Variants in SDK1 observed in about 807,000 individuals in gnomAD.
SDK1 encodes the protein sidekick cell adhesion molecule 1.
A neutral mutation model predicts 245.5 loss-of-function variants in SDK1; 157 were observed. The observed-to-expected ratio is 0.64, with a 90% CI of 0.56 to 0.73. The LOEUF is 0.73. Among genes scored for constraint, SDK1 ranks in the 30% least tolerant of loss-of-function variants. The probability of loss-of-function intolerance (pLI) is 0.00; values close to 1 mark genes in which losing one functional copy is unlikely to be tolerated. For missense variants in SDK1, 3,583 were observed against 3,002.3 expected, an observed-to-expected ratio of 1.19 and a Z score of -4.52; for synonymous variants, 1,647 against 1,278.5, an observed-to-expected ratio of 1.29 and a Z score of -6.15.
chr7:4,060,163 G>C lies in SDK1; in HGVS notation c.2912-7675G>C, dbSNP rs185653458. On this transcript the variant is annotated intron_variant, in intron 19 of 44. Transcript: ENST00000404826. Reference sequence around the variant, plus strand: ...TCCAAAGTGCTGGGATTACAGGCGTGAGCCACCACGCCCGGCCAGAAATTT... The same window carrying C: ...TCCAAAGTGCTGGGATTACAGGCGTCAGCCACCACGCCCGGCCAGAAATTT... Among the ~76,000 whole-genome samples the C allele has an allele frequency of 3.6e-3, 552 of 152,256 alleles. 6 individuals are homozygous for C. The South Asian group carries it at 0.039, about 11-fold the overall frequency.
chr7:3,637,961 C>G (rs1412882331), intron 2 of SDK1, among the ~76,000 whole-genome samples: 1 of 152,230 alleles, frequency 6.6e-6, no homozygotes. Context: ...TGACACAAGA[C>G]ATCGTGTTAA....
intron 22 of SDK1, among the ~76,000 whole-genome samples, chr7:4,090,653 C>G (rs1447582685): frequency 6.6e-6 from 1 of 152,176 alleles, no homozygotes; most frequent in Non-Finnish European, 1.5e-5. Context: ...CTTGTTCTTT[C>G]TCTCTTCTTT....
chr7:3,913,636 G>A (rs1018747960), intron 5 of SDK1, among the ~76,000 whole-genome samples: 1 of 151,848 alleles, frequency 6.6e-6, no homozygotes, highest in African/African-American at 2.4e-5. Flanking sequence ...CTTTTCTCTG[G>A]ACTATGTTAG....
At chr7:3,821,368 T>C in intron 4 of SDK1, 82 bp from the exon 5 acceptor site, 1 of 1,467,018 alleles carries the variant, frequency 6.8e-7, no homozygotes, top group Non-Finnish European at 9.3e-7. Flanking sequence ...CATTCCTTTA[T>C]AGTTGGCCTA....
chr7:3,848,859 A>G (rs553163493), intron 5 of SDK1, among the ~76,000 whole-genome samples: 1 of 152,024 alleles, frequency 6.6e-6, no homozygotes, highest in Admixed American at 6.5e-5. Flanking sequence ...TTTAGTAGAG[A>G]CAGGGTTTCG....
At chr7:3,723,132 G>A (rs941656879) in intron 4 of SDK1, among the ~76,000 whole-genome samples, 3 of 152,184 alleles carry the variant, frequency 2.0e-5, no homozygotes, top group African/African-American at 4.8e-5. Context: ...GTCCTCAGAC[G>A]TTTCTCAAGT....
At chr7:3,789,514 A>T (rs1176706077) in intron 4 of SDK1, among the ~76,000 whole-genome samples, 1 of 152,182 alleles carries the variant, frequency 6.6e-6, no homozygotes, top group African/African-American at 2.4e-5. Flanking sequence ...AAAATTAGTT[A>T]TTTTAATGGG....
chr7:3,467,216 T>G (rs1781035062), intron 1 of SDK1, among the ~76,000 whole-genome samples: 1 of 152,130 alleles, frequency 6.6e-6, no homozygotes, highest in Non-Finnish European at 1.5e-5. Context: ...TTTACAATAT[T>G]AAAGCACTTT....
intron 13 of SDK1, among the ~76,000 whole-genome samples, chr7:3,983,006 G>A (rs1202592944): frequency 6.6e-6 from 1 of 152,154 alleles, no homozygotes; most frequent in Non-Finnish European, 1.5e-5. Flanking sequence ...AAGAGAACTA[G>A]AATTAGAGGT....
intron 38 of SDK1, among the ~76,000 whole-genome samples, chr7:4,216,687 G>A (rs1219607023): frequency 2.0e-5 from 3 of 152,146 alleles, no homozygotes; most frequent in Non-Finnish European, 4.4e-5. Context: ...CACCTGGTAG[G>A]GGATCTGTGG....
At chr7:3,467,064 G>A (rs1406450406) in intron 1 of SDK1, among the ~76,000 whole-genome samples, 3 of 137,538 alleles carry the variant, frequency 2.2e-5, no homozygotes, top group African/African-American at 8.2e-5. Flanking sequence ...AAGACTTTAA[G>A]GAAAGACATC....
rs139254667 is a variant in SDK1 at position 4,039,511 on chromosome 7, C to G, written c.2603-9837C>G. Among the ~76,000 whole-genome samples the G allele has an allele frequency of 1.1e-4, 17 of 152,168 alleles. No homozygotes were observed. The East Asian group carries it at 3.3e-3, about 29-fold the overall frequency. ...TCCTCAAGAATGTTTCAAAATAAAT[C>G]AAGTTGAAAAATTCAAAAAGCAAAG... On this transcript the variant is annotated intron_variant, in intron 17 of 44. Transcript: ENST00000404826.
chr7:4,088,422 C>G (rs912556706), intron 22 of SDK1, among the ~76,000 whole-genome samples: 2 of 152,148 alleles, frequency 1.3e-5, no homozygotes, highest in Admixed American at 1.3e-4. Flanking sequence ...TGTTTTGTCA[C>G]TCTAAAGAAA....
chr7:4,219,861 G>A (rs1345889227), intron 38 of SDK1, among the ~76,000 whole-genome samples: 1 of 143,874 alleles, frequency 7.0e-6, no homozygotes, highest in East Asian at 2.2e-4. Context: ...TGAGACGGCA[G>A]CCTCCCCCTT....
At chr7:3,623,883 C>T (rs964261692) in intron 2 of SDK1, among the ~76,000 whole-genome samples, 2 of 151,938 alleles carry the variant, frequency 1.3e-5, no homozygotes, top group African/African-American at 4.8e-5. Context: ...ATTTCTATGA[C>T]AATATAAAAA....
chr7:3,747,587 A>G (rs1021135714), intron 4 of SDK1, among the ~76,000 whole-genome samples: 6 of 152,240 alleles, frequency 3.9e-5, no homozygotes, highest in Non-Finnish European at 7.3e-5. Flanking sequence ...AAACAGGAAG[A>G]CAAGCATTAA....
At chr7:3,933,620 GACA>G (rs1780057881) in intron 5 of SDK1, among the ~76,000 whole-genome samples, 2 of 152,096 alleles carry the variant, frequency 1.3e-5, no homozygotes, top group East Asian at 3.9e-4. Context: ...AAATAAACAA[GACA>G]CTGATTATCT....
intron 4 of SDK1, among the ~76,000 whole-genome samples, chr7:3,673,326 C>G (rs1265262354): frequency 6.6e-6 from 1 of 152,136 alleles, no homozygotes; most frequent in Non-Finnish European, 1.5e-5. Flanking sequence ...GATCGGAGAG[C>G]TAGACAGTGT....
chr7:3,602,092 G>T (rs971597822), intron 1 of SDK1, among the ~76,000 whole-genome samples: 1 of 151,940 alleles, frequency 6.6e-6, no homozygotes, highest in Non-Finnish European at 1.5e-5. Context: ...GGACATTTAG[G>T]TTGGTTCCAA....
Sources: allele counts gnomAD v4.1 joint callset (sites outside exome capture counted in the v4.1 genomes callset), GRCh38; gene constraint gnomAD v4.1.1; transcripts MANE v1.5; gene names NCBI Gene and HGNC (gene_info 2026-07-23, HGNC 2026-07-21).